Variants in HSP90B1 observed in about 807,000 individuals in gnomAD.
HSP90B1 encodes endoplasmin.
A neutral mutation model predicts 100.4 loss-of-function variants in HSP90B1; 27 were observed. The ratio of observed to expected loss-of-function variants is 0.27; its 90% CI spans 0.20 to 0.37. The LOEUF (loss-of-function observed/expected upper bound fraction) is 0.37, where lower values mean the gene tolerates loss of function less well. Among genes scored for constraint, HSP90B1 ranks in the 10% least tolerant of loss-of-function variants. HSP90B1 has a pLI of 1.00. For synonymous variants in HSP90B1, 304 were observed against 330.8 expected (o/e 0.92, Z 0.88); for missense variants, 678 against 960.5 (o/e 0.71, Z 3.89).
intron 5 of HSP90B1, among the ~76,000 whole-genome samples, chr12:103,936,778 C>T (rs1869932608): frequency 6.6e-6 from 1 of 152,172 alleles, no homozygotes; most frequent in South Asian, 2.1e-4. Context: ...AGATATCTAA[C>T]CAGCAGCTTC....
Position 103,943,297 on chromosome 12 carries a change from A to C in HSP90B1, c.1868A>C (p.Lys623Thr). Residue 623 changes from lysine (K) to threonine (T), a missense_variant, in exon 13 of 18, where the codon AAA becomes ACA. Physicochemically the swap from Lys to Thr is moderately conservative, Grantham distance 78. Around this residue, in one of 8 missense-constraint regions of HSP90B1, gnomAD observed 170 missense variants for 236.7 expected, o/e 0.72. Coordinates refer to ENST00000299767, the MANE Select transcript of HSP90B1 (RefSeq NM_003299.3). The surrounding 1 kb of genome is among the most constrained non-coding windows in gnomAD (Gnocchi z 5.3). ...KEFEPLLNWM[K>T]DKALKDKIEK... ...TTTGAGCCTCTGCTGAATTGGATGA[A>C]AGATAAAGCCCTTAAGGACAAGGTA... 1 of 1,614,092 alleles carries C rather than the reference A, an allele frequency of 6.2e-7. No homozygotes were observed. Among genetic ancestry groups the C allele is most frequent in the South Asian group, 1.1e-5 (1 of 91,076 alleles).
In HSP90B1 at chr12:103,932,807, C is replaced by A. The variant is rs775048576; in HGVS notation, c.295-19C>A. 4.1e-6 allele frequency: 5 copies of A among 1,220,412 alleles called. No homozygotes were observed. The highest frequency in any genetic ancestry group is 6.1e-6 in the Non-Finnish European group (5 of 822,112). The allele number at this position is 1,220,412 out of a possible 1,614,324, so 75.6% of individuals were successfully genotyped here. A position where few individuals can be genotyped will look rare whatever the true frequency, so the allele number is the denominator to read the frequency against. The stretch of plus-strand genomic sequence containing the variant: ...ATCTTGAGGATAGTCTAAGTGTATT[C>A]CCTCTGGCTTCCATTTAGATTTTCC... On this transcript the variant is annotated intron_variant, in intron 3 of 17. Transcript: ENST00000299767.
chr12:103,944,804 G>T (rs1189587401), intron 14 of HSP90B1, among the ~76,000 whole-genome samples: 1 of 152,138 alleles, frequency 6.6e-6, no homozygotes, highest in African/African-American at 2.4e-5. Flanking sequence ...TCCGCCCTCT[G>T]CGGCCTCCCA....
chr12:103,946,337 A>G (rs934735810), intron 14 of HSP90B1, among the ~76,000 whole-genome samples: 1 of 152,182 alleles, frequency 6.6e-6, no homozygotes, highest in African/African-American at 2.4e-5. Context: ...ACCCGTGTAT[A>G]TGAAGAGTGG....
Position 103,941,903 on chromosome 12 carries a change from T to C in HSP90B1, c.1374+6T>C. ...AGCAACATAAACTGCTTAAGGTAAG[T>C]GTCTCTGGGAAGAAACTCTCCACTT... is the stretch of plus-strand genomic sequence containing the variant. On this transcript the variant is annotated splice_donor_region_variant and intron_variant, in intron 11 of 17. Transcript: ENST00000299767. The C allele has an allele frequency of 6.2e-7, 1 of 1,610,570 alleles. No homozygotes were observed. Among genetic ancestry groups the C allele is most frequent in the Non-Finnish European group, 8.5e-7 (1 of 1,176,912 alleles).
rs776666589 is a variant in HSP90B1 at position 103,937,792 on chromosome 12, G to A, written c.841G>A (p.Val281Ile). 4 of 1,493,744 alleles carry A rather than the reference G, an allele frequency of 2.7e-6. No homozygotes were observed. The highest frequency in any genetic ancestry group is 3.7e-6 in the Non-Finnish European group (4 of 1,072,828). The allele number at this position is 1,493,744 out of a possible 1,614,324, so 92.5% of individuals were successfully genotyped here. ...ACAGTTCATAAACTTTCCTATTTATGTATGGAGCAGCAAGGTAAATCTATA... is the reference window on the plus strand; with the variant it reads ...ACAGTTCATAAACTTTCCTATTTATATATGGAGCAGCAAGGTAAATCTATA... ...YSQFINFPIY[V>I]WSSKTETVEE... The change falls in exon 6 of 18, where the codon GTA (valine) becomes ATA (isoleucine). Residue 281 changes from valine to isoleucine, a missense_variant. By Grantham distance (29) the Val-to-Ile change is conservative (BLOSUM62 3). Coordinates refer to ENST00000299767, the MANE Select transcript of HSP90B1 (RefSeq NM_003299.3).
chr12:103,934,159 A>G lies in HSP90B1; in HGVS notation c.615A>G (p.Val205=). The part of the protein sequence containing the change: ...FGVGFYSAFL[V]ADKVIVTSKH... ...TCGGTTTCTATTCCGCCTTCCTTGT[A>G]GCAGATAAGGTTATTGTCACTTCAA... The change falls in exon 5 of 18, where the codon GTA becomes GTG. Residue 205 remains valine, a synonymous_variant. Coordinates refer to ENST00000299767, the MANE Select transcript of HSP90B1 (RefSeq NM_003299.3). 6.2e-7 allele frequency: 1 copy of G among 1,614,242 alleles called. No homozygotes were observed. Among genetic ancestry groups the G allele is most frequent in the Non-Finnish European group, 8.5e-7 (1 of 1,180,032 alleles).
At chr12:103,941,730 A>AG (rs1036652993) in intron 10 of HSP90B1, 24 bp downstream of exon 10, 1 of 1,610,140 alleles carries the variant, frequency 6.2e-7, no homozygotes, top group Admixed American at 1.7e-5. Context: ...GTTTGGGAGA[A>AG]GGGGTGATTG....
chr12:103,939,696 G>T (rs77096967), intron 8 of HSP90B1, 71 bp downstream of exon 8: 39,999 of 714,932 alleles, frequency 0.056, 1,867 homozygotes, highest in East Asian at 0.2. Flanking sequence ...TAGTTTAATT[G>T]TATATGGTAT....
chr12:103,930,775 C>T lies in HSP90B1; in HGVS notation c.49+211C>T, dbSNP rs1869726559. ...AGAGCAACATCATCTAACTGCCCTA[C>T]AGATCTAATAGTATCTCGCCCGGAG... On this transcript the variant is annotated intron_variant, in intron 1 of 17. Transcript: ENST00000299767. This position sits in a 1 kb window ranked among gnomAD's most constrained non-coding sequence, Gnocchi z 4.4. 1.3e-5 allele frequency among the ~76,000 whole-genome samples: 2 copies of T among 152,202 alleles called. No homozygotes were observed. The highest frequency in any genetic ancestry group is 2.9e-5 in the Non-Finnish European group (2 of 68,030).
At position 103,930,655 on chromosome 12, in the gene HSP90B1, C is replaced by T; in HGVS notation, c.49+91C>T. ...GGGCGTTGAACGTGGGAGGGGGGATCCCGGGGCCTGCGGTGGGCCAAGGGA... is the reference window on the plus strand; with the variant it reads ...GGGCGTTGAACGTGGGAGGGGGGATTCCGGGGCCTGCGGTGGGCCAAGGGA... On this transcript the variant is annotated intron_variant, in intron 1 of 17. Transcript: ENST00000299767. This position sits in a 1 kb window ranked among gnomAD's most constrained non-coding sequence, Gnocchi z 4.4. 1 of 1,311,328 alleles carries T rather than the reference C, an allele frequency of 7.6e-7. No individual in the cohort carries two copies. Among genetic ancestry groups the T allele is most frequent in the Non-Finnish European group, 1.1e-6 (1 of 944,552 alleles). The allele number at this position is 1,311,328 out of a possible 1,614,324, so 81.2% of individuals were successfully genotyped here. A position where few individuals can be genotyped will look rare whatever the true frequency, so the allele number is the denominator to read the frequency against.
intron 7 of HSP90B1, 79 bp from the exon 8 acceptor site, chr12:103,939,430 T>C (rs1250822110): frequency 1.6e-6 from 1 of 634,156 alleles, no homozygotes. Flanking sequence ...TCTTTTGAAA[T>C]CTACTGAAGC....
rs1870250316 is a variant in HSP90B1 at position 103,946,833 on chromosome 12, T to G, written c.2154T>G (p.Phe718Leu). 1 of 1,614,178 alleles carries G rather than the reference T, an allele frequency of 6.2e-7. No homozygotes were observed. ...TTTTGGATCTTGCTGTGGTTTTGTT[T>G]GAAACAGCAACGCTTCGGTCAGGGT... The part of the protein sequence containing the change: ...KTVLDLAVVL[F>L]ETATLRSGYL... The change falls in exon 16 of 18, where the codon TTT becomes TTG. Residue 718 changes from phenylalanine to leucine, a missense_variant. This residue lies in a region of HSP90B1 where 64 missense variants were observed against 66.4 expected (regional missense o/e 0.96). Transcript: ENST00000299767.
At chr12:103,935,113 T>C (rs1566165401) in intron 5 of HSP90B1, among the ~76,000 whole-genome samples, 1 of 152,202 alleles carries the variant, frequency 6.6e-6, no homozygotes, top group Non-Finnish European at 1.5e-5. Context: ...AGATGAGTGG[T>C]AGCAACCAGG....
chr12:103,947,398 G>A lies in HSP90B1; in HGVS notation c.2350G>A (p.Val784Met). The change falls in exon 17 of 18, where the codon GTG becomes ATG. Residue 784 changes from valine (V) to methionine (M), a missense_variant. Around this residue, in one of 8 missense-constraint regions of HSP90B1, gnomAD observed 65 missense variants for 65.1 expected, o/e 1.00. Transcript: ENST00000299767. ...GCAAGACGAAGATGAAGAAATGGATGTGGGAACAGATGAAGAAGAAGAAAC... is the reference window on the plus strand; with the variant it reads ...GCAAGACGAAGATGAAGAAATGGATATGGGAACAGATGAAGAAGAAGAAAC... Reference protein sequence around the residue: ...TEQDEDEEMDVGTDEEEETAK... With the variant: ...TEQDEDEEMDMGTDEEEETAK... 2 of 1,611,800 alleles carry A rather than the reference G, an allele frequency of 1.2e-6. No homozygotes were observed. Among genetic ancestry groups the A allele is most frequent in the Non-Finnish European group, 1.7e-6 (2 of 1,178,592 alleles).
intron 7 of HSP90B1, among the ~76,000 whole-genome samples, chr12:103,939,302 T>C (rs947696839): frequency 2.0e-5 from 3 of 151,910 alleles, no homozygotes; most frequent in Non-Finnish European, 4.4e-5. Context: ...GAGGTCTTGC[T>C]ATGTTGCCTG....
At chr12:103,939,902 A>G (rs1198760943) in intron 8 of HSP90B1, among the ~76,000 whole-genome samples, 1 of 152,204 alleles carries the variant, frequency 6.6e-6, no homozygotes, top group Non-Finnish European at 1.5e-5. Context: ...AGAACACACC[A>G]TTTTTACTTA....
chr12:103,947,642 G>C lies in HSP90B1; in HGVS notation c.2392G>C (p.Ala798Pro), dbSNP rs751610640. ...TTTTATTTATTTACAGGAATCTACAGCTGAAAAAGATGAATTGTAAATTAT... is the reference window on the plus strand; with the variant it reads ...TTTTATTTATTTACAGGAATCTACACCTGAAAAAGATGAATTGTAAATTAT... ...EEEETAKEST[A>P]EKDEL The change falls in exon 18 of 18, where the codon GCT becomes CCT. Residue 798 changes from alanine (A) to proline (P), a missense_variant. Around this residue, in one of 8 missense-constraint regions of HSP90B1, gnomAD observed 65 missense variants for 65.1 expected, o/e 1.00. Coordinates refer to ENST00000299767, the MANE Select transcript of HSP90B1 (RefSeq NM_003299.3). The C allele has an allele frequency of 3.1e-6, 5 of 1,595,542 alleles. No individual in the cohort carries two copies. Among genetic ancestry groups the C allele is most frequent in the Non-Finnish European group, 4.3e-6 (5 of 1,167,458 alleles).
chr12:103,938,287 A>G (rs1869974379), intron 6 of HSP90B1, 53 bp from the exon 7 acceptor site: 2 of 1,479,940 alleles, frequency 1.4e-6, no homozygotes, highest in Non-Finnish European at 1.8e-6. Flanking sequence ...TCTGTAGACA[A>G]AATCAGAATT....
Sources: allele counts gnomAD v4.1 joint callset (sites outside exome capture counted in the v4.1 genomes callset), GRCh38; gene constraint gnomAD v4.1.1; regional missense constraint gnomAD v4.1.1; non-coding constraint Gnocchi (gnomAD v3.1); transcripts MANE v1.5; gene names NCBI Gene and HGNC (gene_info 2026-07-23, HGNC 2026-07-21).